PTCH2: variants seen among roughly 807,000 people sequenced by gnomAD.
PTCH2 encodes protein patched homolog 2.
Under a neutral mutation model 117.9 loss-of-function variants are expected in PTCH2, and 96 were observed. That is an observed-to-expected ratio of 0.81 (90% CI 0.69 to 0.96). The LOEUF is 0.96. Among genes scored for constraint, PTCH2 ranks in the 50% least tolerant of loss-of-function variants. PTCH2 has a pLI of 0.00. For synonymous variants in PTCH2, 615 were observed against 660.9 expected (o/e 0.93, Z 1.06); for missense variants, 1,379 against 1,562.5 (o/e 0.88, Z 1.98).
rs1295586779 is a variant in PTCH2, at chr1:44,823,730, G to C, written c.3115-345C>G. On this transcript the variant is annotated intron_variant, in intron 19 of 21. Coordinates refer to ENST00000372192, the MANE Select transcript of PTCH2 (RefSeq NM_003738.5). The surrounding 1 kb of genome is among the most constrained non-coding windows in gnomAD (Gnocchi z 5.1). Reference sequence around the variant, plus strand: ...GAGGTGGGTGGATCACCTGAGGTTGGGAGTTCCAGACCAGCCTGGGAAACA... The same window carrying C: ...GAGGTGGGTGGATCACCTGAGGTTGCGAGTTCCAGACCAGCCTGGGAAACA... Among the ~76,000 whole-genome samples the C allele has an allele frequency of 6.6e-6, 1 of 152,102 alleles. No individual in the cohort carries two copies. The highest frequency in any genetic ancestry group is 1.5e-5 in the Non-Finnish European group (1 of 68,020).
At chr1:44,832,671 G>A (rs1232696234) in intron 2 of PTCH2, among the ~76,000 whole-genome samples, 1 of 152,224 alleles carries the variant, frequency 6.6e-6, no homozygotes, top group African/African-American at 2.4e-5. Flanking sequence ...GTGGGCTGTG[G>A]GGGTTGTAGG....
chr1:44,829,809 T>C, intron 7 of PTCH2, 48 bp from the exon 8 acceptor site: 1 of 1,614,040 alleles, frequency 6.2e-7, no homozygotes, highest in Non-Finnish European at 8.5e-7. Flanking sequence ...CCCAAACACC[T>C]GGTGAGGGAT....
Position 44,827,091 on chromosome 1 carries a change from G to T in PTCH2, c.2515-9C>A, listed in dbSNP as rs1653187119. 6.2e-7 allele frequency: 1 copy of T among 1,613,862 alleles called. No individual in the cohort carries two copies. ...AGCTTCCTTGTGGTCAGCTGCAGAGGCAGAGAGGGCTGAAGGCCTGGGCCC... is the reference window on the plus strand; with the variant it reads ...AGCTTCCTTGTGGTCAGCTGCAGAGTCAGAGAGGGCTGAAGGCCTGGGCCC... On this transcript the variant is annotated splice_polypyrimidine_tract_variant and intron_variant, in intron 16 of 21. Transcript: ENST00000372192.
At chr1:44,834,041 G>A (rs1653575371) in intron 2 of PTCH2, among the ~76,000 whole-genome samples, 1 of 151,390 alleles carries the variant, frequency 6.6e-6, no homozygotes, top group Admixed American at 6.6e-5. Context: ...ATGTCCCCTC[G>A]TGCCCCAAAA....
Position 44,832,029 on chromosome 1 carries a change from G to T in PTCH2, c.471C>A (p.Asn157Lys). The T allele has an allele frequency of 6.2e-7, 1 of 1,613,582 alleles. No homozygotes were observed. Among genetic ancestry groups the T allele is most frequent in the Non-Finnish European group, 8.5e-7 (1 of 1,179,578 alleles). ...GAACTCCTGACTTGTAGCAGATTTT[G>T]TTCAAATCCCAGGACCTGCAATAGC... is the stretch of plus-strand genomic sequence containing the variant. ...VSLYGKSWDL[N>K]KICYKSGVPL... The change falls in exon 4 of 22, where the codon AAC becomes AAA. Residue 157 changes from asparagine (N) to lysine (K), a missense_variant. Physicochemically the swap from Asn to Lys is moderately conservative, Grantham distance 94. Transcript: ENST00000372192.
Position 44,826,973 on chromosome 1 carries a change from T to C in PTCH2, c.2624A>G (p.Gln875Arg), listed in dbSNP as rs979001800. 6.2e-7 allele frequency: 1 copy of C among 1,614,020 alleles called. No homozygotes were observed. The highest frequency in any genetic ancestry group is 8.5e-7 in the Non-Finnish European group (1 of 1,180,014). Residue 875 changes from glutamine to arginine, a missense_variant, in exon 17 of 22, where the codon CAG becomes CGG. Physicochemically the swap from Gln to Arg is conservative, Grantham distance 43 (BLOSUM62 1). Coordinates refer to ENST00000372192, the MANE Select transcript of PTCH2 (RefSeq NM_003738.5). This position sits in a 1 kb window ranked among gnomAD's most constrained non-coding sequence, Gnocchi z 5.1. ...AGGAGGTGGGGGGTAGAAGTTGGCCTGTGAGGCTGCCAGACCCAGGGGGTC... is the reference window on the plus strand; with the variant it reads ...AGGAGGTGGGGGGTAGAAGTTGGCCCGTGAGGCTGCCAGACCCAGGGGGTC... ...SSDPLGLAASQANFYPPPPEW... is the reference protein window; with the variant it reads ...SSDPLGLAASRANFYPPPPEW...
rs1653955524 is a variant in PTCH2 at position 44,841,736 on chromosome 1, A to AC, written c.265+110dup. ...GGTGTAGGACTCTGGCCAGCAGGTG[A>AC]CCCTCCAGCCCCAGGGCCAGGCCTG... is the stretch of plus-strand genomic sequence containing the variant. On this transcript the variant is annotated intron_variant, in intron 2 of 21. Coordinates refer to ENST00000372192, the MANE Select transcript of PTCH2 (RefSeq NM_003738.5). 1.2e-5 allele frequency: 14 copies of AC among 1,186,198 alleles called. No individual in the cohort carries two copies. In the South Asian group the frequency reaches 1.7e-4, roughly 15 times the overall value. 73.5% of individuals were successfully genotyped at this position (1,186,198 alleles called of 1,614,324 possible). A position where few individuals can be genotyped will look rare whatever the true frequency, so the allele number is the denominator to read the frequency against.
Position 44,826,295 on chromosome 1 carries a change from C to T in PTCH2, c.3069G>A (p.Val1023=), listed in dbSNP as rs769093414. Residue 1023 remains valine, a synonymous_variant, in exon 19 of 22, where the codon GTG becomes GTA. Coordinates refer to ENST00000372192, the MANE Select transcript of PTCH2 (RefSeq NM_003738.5). This position sits in a 1 kb window ranked among gnomAD's most constrained non-coding sequence, Gnocchi z 5.1. ...KLSAIPVVIL[V]ASVGIGVEFT... ...ACTCAACGCCAATGCCTACAGAGGCCACAAGGATCACCACGGGGATGGCAC... is the reference window on the plus strand; with the variant it reads ...ACTCAACGCCAATGCCTACAGAGGCTACAAGGATCACCACGGGGATGGCAC... 8.1e-6 allele frequency: 13 copies of T among 1,614,014 alleles called. No homozygotes were observed. The African/African-American group carries it at 1.3e-4, about 17-fold the overall frequency.
chr1:44,820,044 C>T (rs562791589), downstream of PTCH2: 141 of 187,668 alleles, frequency 7.5e-4, no homozygotes, highest in Non-Finnish European at 1.1e-3. Context: ...TAACACTTAA[C>T]ACACTTATGG....
In PTCH2 at chr1:44,826,918, C is replaced by T. The variant is rs113617379; in HGVS notation, c.2679G>A (p.Thr893=). The T allele has an allele frequency of 7.5e-4, 1,212 of 1,614,028 alleles. 3 individuals carry two copies. Among genetic ancestry groups the T allele is most frequent in the Non-Finnish European group, 9.2e-4 (1,089 of 1,180,020 alleles). ...AAGACTCACTGCGAAGGTTCTCCCC[C>T]GTGGTGTCGTATTTGTCGTGCAGCC... ...PEWLHDKYDT[T]GENLRIPPAQ... Residue 893 remains threonine (T), a synonymous_variant, in exon 17 of 22, where the codon ACG becomes ACA. Coordinates refer to ENST00000372192, the MANE Select transcript of PTCH2 (RefSeq NM_003738.5). The surrounding 1 kb of genome is among the most constrained non-coding windows in gnomAD (Gnocchi z 5.1).
At chr1:44,832,074 CAGA>C (rs751512161) in intron 3 of PTCH2, 30 bp from the exon 4 acceptor site, 115 of 1,612,568 alleles carry the variant, frequency 7.1e-5, no homozygotes, top group Non-Finnish European at 9.3e-5. Flanking sequence ...AGGAGATCAG[CAGA>C]AGAAGGGGAT....
downstream of PTCH2, chr1:44,821,917 A>C (rs1298767820): frequency 7.3e-7 from 1 of 1,363,746 alleles, no homozygotes; most frequent in South Asian, 1.1e-5. Flanking sequence ...GTCCAAAAAA[A>C]AGCACTGAAG....
rs577470005 is a variant in PTCH2 at position 44,831,887 on chromosome 1, A to G, written c.525+88T>C. On this transcript the variant is annotated intron_variant, in intron 4 of 21. Coordinates refer to ENST00000372192, the MANE Select transcript of PTCH2 (RefSeq NM_003738.5). This position sits in a 1 kb window ranked among gnomAD's most constrained non-coding sequence, Gnocchi z 4.3. ...TCCCCCTCCTTAGTTTTAAGGGGGC[A>G]GATTGCAGGCTGTGGGGCTTGCTCG... 1.1e-5 allele frequency: 17 copies of G among 1,570,490 alleles called. No homozygotes were observed. Among genetic ancestry groups the G allele is most frequent in the Admixed American group, 6.7e-5 (4 of 59,952 alleles).
At position 44,828,453 on chromosome 1, in the gene PTCH2, G is replaced by A. The variant is rs746718315; in HGVS notation, c.1591-39C>T. 6.8e-6 allele frequency: 11 copies of A among 1,614,146 alleles called. 1 individual carries two copies. The South Asian group carries it at 1.2e-4, about 18-fold the overall frequency. ...AGGAGGGGAATGAAGGCTGGATGAAGCTTGGCCTCAGCCCCACACCCACCC... is the reference window on the plus strand; with the variant it reads ...AGGAGGGGAATGAAGGCTGGATGAAACTTGGCCTCAGCCCCACACCCACCC... On this transcript the variant is annotated intron_variant, in intron 12 of 21. Coordinates refer to ENST00000372192, the MANE Select transcript of PTCH2 (RefSeq NM_003738.5).
At chr1:44,837,542 A>G (rs1016573605) in intron 2 of PTCH2, among the ~76,000 whole-genome samples, 4 of 152,098 alleles carry the variant, frequency 2.6e-5, no homozygotes, top group Non-Finnish European at 5.9e-5. Flanking sequence ...GGTGTGAGCC[A>G]CTGTGCCTGG....
rs561227600 is a variant in PTCH2 at position 44,823,211 on chromosome 1, A to T, written c.3257+32T>A. ...GGGGAGTCAGCCCAGGCCTGTCCTGAGCCCTGCCTCCCTGCCCCGAGCCCT... is the reference window on the plus strand; with the variant it reads ...GGGGAGTCAGCCCAGGCCTGTCCTGTGCCCTGCCTCCCTGCCCCGAGCCCT... On this transcript the variant is annotated intron_variant, in intron 20 of 21. Transcript: ENST00000372192. The surrounding 1 kb of genome is among the most constrained non-coding windows in gnomAD (Gnocchi z 5.1). 2.1e-5 allele frequency: 34 copies of T among 1,614,154 alleles called. No individual in the cohort carries two copies. The Admixed American group carries it at 4.3e-4, about 21-fold the overall frequency.
downstream of PTCH2, chr1:44,820,369 G>C (rs1397330943): frequency 1.6e-5 from 9 of 569,858 alleles, no homozygotes; most frequent in African/African-American, 1.7e-4. Context: ...GTTCGTCCCA[G>C]GGGTTAAGGT....
At position 44,823,597 on chromosome 1, in the gene PTCH2, C is replaced by CGTA. The variant is rs1179435314; in HGVS notation, c.3115-215_3115-213dup. On this transcript the variant is annotated intron_variant, in intron 19 of 21. Coordinates refer to ENST00000372192, the MANE Select transcript of PTCH2 (RefSeq NM_003738.5). This position sits in a 1 kb window ranked among gnomAD's most constrained non-coding sequence, Gnocchi z 5.1. ...TTTGGTGAGCTTAGACACAGAGACA[C>CGTA]GTAGAAAATAGGGTACAGCCTGGGT... is the stretch of plus-strand genomic sequence containing the variant. 2.6e-5 allele frequency among the ~76,000 whole-genome samples: 4 copies of CGTA among 152,106 alleles called. No individual in the cohort carries two copies. Among genetic ancestry groups the CGTA allele is most frequent in the Non-Finnish European group, 4.4e-5 (3 of 68,026 alleles).
Position 44,831,709 on chromosome 1 carries a change from A to T in PTCH2, c.614T>A (p.Leu205Gln), listed in dbSNP as rs1653452430. ...GAKLQGGSAY[L>Q]PGRPDIQWTN... ...GGGCCCCAGGAGTGGCACTCACGGC[A>T]GGTAGGCGGAGCCCCCTTGGAGTTT... The change falls in exon 5 of 22, where the codon CTG (leucine) becomes CAG (glutamine). Residue 205 changes from leucine to glutamine, a missense_variant. By Grantham distance (113) the Leu-to-Gln change is moderately radical. Transcript: ENST00000372192. The surrounding 1 kb of genome is among the most constrained non-coding windows in gnomAD (Gnocchi z 4.3). 3.2e-6 allele frequency: 5 copies of T among 1,557,578 alleles called. No individual in the cohort carries two copies. The highest frequency in any genetic ancestry group is 1.9e-5 in the Admixed American group (1 of 51,624).
Sources: allele counts gnomAD v4.1 joint callset (sites outside exome capture counted in the v4.1 genomes callset), GRCh38; gene constraint gnomAD v4.1.1; non-coding constraint Gnocchi (gnomAD v3.1); transcripts MANE v1.5; gene names NCBI Gene and HGNC (gene_info 2026-07-23, HGNC 2026-07-21).